APTX: variants seen among roughly 807,000 people sequenced by gnomAD.
The protein encoded by APTX is aprataxin.
APTX carries 33 observed loss-of-function variants against 42.3 expected under a neutral mutation model. The ratio of observed to expected loss-of-function variants is 0.78; its 90% confidence interval spans 0.59 to 1.04. The LOEUF is 1.04. Among genes scored for constraint, APTX ranks in the 50% least tolerant of loss-of-function variants. APTX has a pLI of 0.00. For missense variants in APTX, 421 were observed against 415.1 expected, an observed-to-expected ratio of 1.01 and a Z score of -0.12; for synonymous variants, 130 against 146.7, an observed-to-expected ratio of 0.89 and a Z score of 0.82.
intron 1 of APTX, among the ~76,000 whole-genome samples, chr9:33,000,707 C>G (rs1449565432): frequency 6.7e-6 from 1 of 149,814 alleles, no homozygotes; most frequent in Non-Finnish European, 1.5e-5. Flanking sequence ...AGAACGAGCA[C>G]AAATCTGTAT....
chr9:33,011,079 G>A (rs1837506536), intron 1 of APTX, among the ~76,000 whole-genome samples: 1 of 151,640 alleles, frequency 6.6e-6, no homozygotes, highest in African/African-American at 2.4e-5. Context: ...AGAGGCAGAG[G>A]TTGTAGTGAG....
At chr9:33,017,930 C>G (rs1399396109) in intron 1 of APTX, among the ~76,000 whole-genome samples, 2 of 46,954 alleles carry the variant, frequency 4.3e-5, no homozygotes, top group South Asian at 9.5e-4. Flanking sequence ...CAACCAGCGC[C>G]CCCCCCCCCC....
chr9:32,979,908 A>G, intron 6 of APTX: 1 of 168,606 alleles, frequency 5.9e-6, no homozygotes. Context: ...CCTCAATTTG[A>G]GATCCTAATT....
At chr9:32,980,402 A>T (rs139090567) in intron 6 of APTX, 2 of 174,502 alleles carry the variant, frequency 1.1e-5, no homozygotes, top group South Asian at 1.6e-4. Flanking sequence ...ACCTTGTCCA[A>T]TGTGGCTCTG....
rs770007531 is a variant in APTX at position 32,984,804 on chromosome 9, AC to A, written c.596del (p.Arg199LeufsTer15). 4.3e-6 allele frequency: 7 copies of A among 1,614,212 alleles called. No homozygotes were observed. The South Asian group carries it at 6.6e-5, about 15-fold the overall frequency. On this transcript the variant is annotated frameshift_variant, in exon 6 of 8. Transcript: ENST00000379817. LOFTEE classifies it high-confidence loss of function. Reference sequence around the variant, plus strand: ...TCCACGGTAAGACCAGCCAATGGTAACGGGCCTTTGGGTATTTATCCTTTAT... The same window carrying A: ...TCCACGGTAAGACCAGCCAATGGTAAGGGCCTTTGGGTATTTATCCTTTAT... ...VVIKDKYPKARYHWLVLPWTS... is the reference protein window; with the variant it reads ...VVIKDKYPKAXYHWLVLPWTS...
chr9:33,000,607 CAG>C (rs2119111943), intron 1 of APTX, among the ~76,000 whole-genome samples: 1 of 103,454 alleles, frequency 9.7e-6, no homozygotes, highest in South Asian at 3.2e-4. Context: ...GCCTGGGTAA[CAG>C]AGTGAGACTC....
At chr9:33,010,181 G>A (rs534633634) in intron 1 of APTX, among the ~76,000 whole-genome samples, 1 of 152,276 alleles carries the variant, frequency 6.6e-6, no homozygotes, top group South Asian at 2.1e-4. Context: ...CAGAACAGGA[G>A]GGCCTGGGCT....
At chr9:33,018,350 C>T (rs1261909401) in intron 1 of APTX, among the ~76,000 whole-genome samples, 1 of 151,730 alleles carries the variant, frequency 6.6e-6, no homozygotes, top group East Asian at 2.0e-4. Flanking sequence ...GGCGGATCAC[C>T]TGAGGTCAGG....
chr9:33,000,625 CAAAAAA>C (rs60760701), intron 1 of APTX, among the ~76,000 whole-genome samples: 1 of 63,450 alleles, frequency 1.6e-5, no homozygotes, highest in East Asian at 5.3e-4. Flanking sequence ...GACTCTGTCT[CAAAAAA>C]AAAAAAAAAA....
chr9:33,005,458 A>T (rs1173677352), upstream of APTX, among the ~76,000 whole-genome samples: 12 of 151,518 alleles, frequency 7.9e-5, no homozygotes, highest in African/African-American at 2.7e-4. Context: ...TTTTTGTGAG[A>T]CAGAGTCTTG....
At chr9:33,006,495 A>C (rs1003406277), upstream of APTX, among the ~76,000 whole-genome samples, 38 of 152,130 alleles carry the variant, frequency 2.5e-4, no homozygotes, top group Non-Finnish European at 1.6e-4. Context: ...AAGCAGTTGG[A>C]GGCAGAGTAC....
At chr9:33,015,459 A>C (rs1340970086) in intron 1 of APTX, among the ~76,000 whole-genome samples, 1 of 152,108 alleles carries the variant, frequency 6.6e-6, no homozygotes, top group Admixed American at 6.5e-5. Context: ...CCCGGGTTCA[A>C]GTGATTCTCC....
chr9:32,980,042 G>C (rs929972135), intron 6 of APTX: 2 of 154,638 alleles, frequency 1.3e-5, no homozygotes, highest in African/African-American at 4.8e-5. Flanking sequence ...GATGAAACAC[G>C]AGTATCTAGA....
In APTX at chr9:32,972,847, C is replaced by G. The variant is rs1324725744; in HGVS notation, c.*651G>C. On this transcript the variant is annotated 3_prime_UTR_variant, in exon 8 of 8. Transcript: ENST00000379817. ...TGACGAACATGTGGCTGTTTCCTCACAGCCAGGAACCCTCGGTATTAGAAG... is the reference window on the plus strand; with the variant it reads ...TGACGAACATGTGGCTGTTTCCTCAGAGCCAGGAACCCTCGGTATTAGAAG... 4 of 453,986 alleles carry G rather than the reference C, an allele frequency of 8.8e-6. No homozygotes were observed. The highest frequency in any genetic ancestry group is 6.2e-5 in the South Asian group (4 of 64,482). The allele number at this position is 453,986 out of a possible 1,614,324, so 28.1% of individuals were successfully genotyped here. A position where few individuals can be genotyped will look rare whatever the true frequency, so the allele number is the denominator to read the frequency against.
intron 6 of APTX, among the ~76,000 whole-genome samples, chr9:32,984,161 T>C (rs1831342667): frequency 6.6e-6 from 1 of 152,230 alleles, no homozygotes. Flanking sequence ...CTTCTGGGCA[T>C]AAGCCACAGG....
upstream of APTX, chr9:33,001,699 GA>G: frequency 2.0e-6 from 3 of 1,525,214 alleles, no homozygotes; most frequent in Non-Finnish European, 2.7e-6. Flanking sequence ...CGGATTGGCT[GA>G]AAGAATCTTG....
At chr9:32,999,926 C>G (rs10971285) in intron 1 of APTX, among the ~76,000 whole-genome samples, 10,715 of 152,214 alleles carry the variant, frequency 0.07, 504 homozygotes, top group Non-Finnish European at 0.11. Context: ...CGCCACTGCA[C>G]TCCAGCCTGG....
chr9:32,984,883 A>T (rs1563961468), intron 5 of APTX, 26 bp from the exon 6 acceptor site: 1 of 1,580,876 alleles, frequency 6.3e-7, no homozygotes. Flanking sequence ...AAGAGAAGGA[A>T]ACAGACATCT....
chr9:33,020,060 C>T (rs1838250577), intron 1 of APTX: 3 of 393,362 alleles, frequency 7.6e-6, no homozygotes, highest in Admixed American at 4.5e-5. Context: ...TCCGCGCCCC[C>T]GGGGCAGCTG....
Sources: gnomAD v4.1 joint callset for allele counts (sites outside exome capture counted in the v4.1 genomes callset) on GRCh38, gnomAD v4.1.1 for gene constraint, MANE v1.5 for transcripts, NCBI Gene and HGNC (gene_info 2026-07-23, HGNC 2026-07-21) for gene names.